The following DNAI4 variants were observed in gnomAD, a reference collection of about 807,000 sequenced individuals.
DNAI4 encodes dynein axonemal intermediate chain 4, also known as WD repeat domain 78.
A neutral mutation model predicts 105.8 loss-of-function variants in DNAI4; 85 were observed. The observed-to-expected ratio is 0.80, with a 90% CI of 0.67 to 0.96. The LOEUF (loss-of-function observed/expected upper bound fraction) is 0.96, where lower values mean the gene tolerates loss of function less well. Ranked by LOEUF, DNAI4 falls within the 40% of genes least tolerant of loss-of-function variation. DNAI4 has a pLI of 0.00. For synonymous variants in DNAI4, 352 were observed against 331.5 expected (o/e 1.06, Z -0.67); for missense variants, 1,014 against 1,005.6 (o/e 1.01, Z -0.11).
chr1:66,880,962 C>T lies in DNAI4; in HGVS notation c.644-6025G>A, dbSNP rs911592423. Reference sequence around the variant, plus strand: ...TGCCCTGCATCCCAGCCACTCCAGCCGTGACTAAAAGGGATGAAGGTACAG... The same window carrying T: ...TGCCCTGCATCCCAGCCACTCCAGCTGTGACTAAAAGGGATGAAGGTACAG... On this transcript the variant is annotated intron_variant, in intron 4 of 16. Coordinates refer to ENST00000371026, the MANE Select transcript of DNAI4 (RefSeq NM_024763.5). Among the ~76,000 whole-genome samples, 35 of 152,214 alleles carry T rather than the reference C, an allele frequency of 2.3e-4. 2 individuals carry two copies. Among genetic ancestry groups the T allele is most frequent in the Admixed American group, 4.6e-4 (7 of 15,290 alleles).
At position 66,831,916 on chromosome 1, in the gene DNAI4, G is replaced by A. The variant is rs1443578321; in HGVS notation, c.2013+1669C>T. Among the ~76,000 whole-genome samples, 5 of 152,306 alleles carry A rather than the reference G, an allele frequency of 3.3e-5. No homozygotes were observed. The East Asian group carries it at 9.6e-4, about 29-fold the overall frequency. Reference sequence around the variant, plus strand: ...CACTAGACTAGGTTGTCTCAACCAAGCATTATTGACATTTTGGGCCAGATA... The same window carrying A: ...CACTAGACTAGGTTGTCTCAACCAAACATTATTGACATTTTGGGCCAGATA... On this transcript the variant is annotated intron_variant, in intron 13 of 16. Coordinates refer to ENST00000371026, the MANE Select transcript of DNAI4 (RefSeq NM_024763.5).
chr1:66,828,256 T>C (rs77479749), intron 13 of DNAI4: 3,206 of 156,092 alleles, frequency 0.021, 101 homozygotes, highest in African/African-American at 0.073. Flanking sequence ...TCCAGGGAAA[T>C]AGTAAGTGCT....
rs1027696104 is a variant in DNAI4, at chr1:66,822,352, G to C, written c.2496+9C>G. 3.8e-6 allele frequency: 6 copies of C among 1,586,162 alleles called. No individual in the cohort carries two copies. Among genetic ancestry groups the C allele is most frequent in the Non-Finnish European group, 5.1e-6 (6 of 1,169,532 alleles). Reference sequence around the variant, plus strand: ...AAATGACACAAATTTTTTTACTCTTGAGTCTTACCCGGCCAGTTTCCAAAA... The same window carrying C: ...AAATGACACAAATTTTTTTACTCTTCAGTCTTACCCGGCCAGTTTCCAAAA... On this transcript the variant is annotated intron_variant, in intron 16 of 16. Coordinates refer to ENST00000371026, the MANE Select transcript of DNAI4 (RefSeq NM_024763.5).
intron 4 of DNAI4, among the ~76,000 whole-genome samples, chr1:66,884,146 C>T (rs1486811349): frequency 6.6e-6 from 1 of 152,168 alleles, no homozygotes; most frequent in Non-Finnish European, 1.5e-5. Context: ...TCCATGTTGT[C>T]ACAAATGACA....
At chr1:66,859,759 A>G (rs920686864) in intron 7 of DNAI4, among the ~76,000 whole-genome samples, 5 of 152,170 alleles carry the variant, frequency 3.3e-5, no homozygotes, top group African/African-American at 7.2e-5. Flanking sequence ...ACGAAACTAT[A>G]AAGACAATAA....
At chr1:66,847,275 T>G (rs764407284) in intron 8 of DNAI4, among the ~76,000 whole-genome samples, 3 of 152,098 alleles carry the variant, frequency 2.0e-5, no homozygotes, top group Non-Finnish European at 2.9e-5. Context: ...ATTATTTGAG[T>G]TTGTCTAAAC....
chr1:66,820,299 A>C (rs1645598823), intron 16 of DNAI4, among the ~76,000 whole-genome samples: 1 of 152,148 alleles, frequency 6.6e-6, no homozygotes, highest in Non-Finnish European at 1.5e-5. Flanking sequence ...AGAAAAACTA[A>C]AATTTATCCA....
intron 7 of DNAI4, 93 bp from the exon 8 acceptor site, chr1:66,847,771 T>C (rs772739222): frequency 4.4e-5 from 46 of 1,056,992 alleles, no homozygotes; most frequent in Non-Finnish European, 5.5e-5. Context: ...ATCATTTGTA[T>C]TTATTTTCCT....
At chr1:66,857,214 T>C (rs1430549045) in intron 7 of DNAI4, among the ~76,000 whole-genome samples, 1 of 151,540 alleles carries the variant, frequency 6.6e-6, no homozygotes, top group African/African-American at 2.4e-5. Context: ...GAAACCATCA[T>C]TCACAGCAAA....
intron 13 of DNAI4, among the ~76,000 whole-genome samples, chr1:66,829,914 C>T (rs1197020387): frequency 6.6e-6 from 1 of 152,080 alleles, no homozygotes; most frequent in Non-Finnish European, 1.5e-5. Flanking sequence ...ACAGAAAGAA[C>T]TTTGGAAAAT....
intron 9 of DNAI4, among the ~76,000 whole-genome samples, chr1:66,840,160 T>C (rs1458813312): frequency 6.6e-6 from 1 of 152,236 alleles, no homozygotes; most frequent in South Asian, 2.1e-4. Context: ...ACCAATCGTA[T>C]AGTTTACTTA....
At chr1:66,886,022 T>C (rs1327400616) in intron 4 of DNAI4, among the ~76,000 whole-genome samples, 3 of 152,232 alleles carry the variant, frequency 2.0e-5, no homozygotes, top group Non-Finnish European at 2.9e-5. Flanking sequence ...AGTTCTTGGA[T>C]GGCTGTTCTA....
chr1:66,924,290 C>A (rs1039317266), intron 1 of DNAI4, among the ~76,000 whole-genome samples: 4 of 152,232 alleles, frequency 2.6e-5, no homozygotes, highest in Admixed American at 2.0e-4. Context: ...CCTGCCTCAG[C>A]CTCCCAAGTA....
At position 66,919,025 on chromosome 1, in the gene DNAI4, C is replaced by T. The variant is rs183784625; in HGVS notation, c.170+5637G>A. On this transcript the variant is annotated intron_variant, in intron 1 of 16. Transcript: ENST00000371026. The stretch of plus-strand genomic sequence containing the variant: ...CATTTGTCTCTCACCTACCTGTGAC[C>T]TGGAAGCCCCCTCCCTGCTTCAAGT... 485 of 405,410 alleles carry T rather than the reference C, an allele frequency of 1.2e-3. 2 individuals are homozygous for T. The highest frequency in any genetic ancestry group is 0.01 in the Middle Eastern group (24 of 2,392). The allele number at this position is 405,410 out of a possible 1,614,324, so 25.1% of individuals were successfully genotyped here.
chr1:66,814,304 G>A (rs1645467927), intron 16 of DNAI4, 124 bp from the exon 17 acceptor site: 1 of 676,004 alleles, frequency 1.5e-6, no homozygotes, highest in African/African-American at 1.8e-5. Flanking sequence ...ATTGTAAAAG[G>A]GAAACAAGCA....
At chr1:66,897,091 G>A (rs988929753) in intron 2 of DNAI4, among the ~76,000 whole-genome samples, 3 of 152,134 alleles carry the variant, frequency 2.0e-5, no homozygotes, top group Admixed American at 1.3e-4. Context: ...GTTGTGAACA[G>A]AATACTGGTA....
chr1:66,858,895 T>C (rs1230134937), intron 7 of DNAI4, among the ~76,000 whole-genome samples: 2 of 152,102 alleles, frequency 1.3e-5, no homozygotes, highest in Non-Finnish European at 2.9e-5. Context: ...AGATCAGTAA[T>C]AAGGTTAGGA....
intron 7 of DNAI4, among the ~76,000 whole-genome samples, chr1:66,860,465 A>C (rs1456540473): frequency 6.6e-6 from 1 of 152,066 alleles, no homozygotes; most frequent in East Asian, 1.9e-4. Flanking sequence ...TTACATTTTC[A>C]ATAAATCTGA....
Position 66,837,756 on chromosome 1 carries a change from T to C in DNAI4, c.1535A>G (p.Glu512Gly), listed in dbSNP as rs781341791. The change falls in exon 10 of 17, where the codon GAG becomes GGG. Residue 512 changes from glutamate to glycine, a missense_variant. Coordinates refer to ENST00000371026, the MANE Select transcript of DNAI4 (RefSeq NM_024763.5). ...AVGYGHFGFK[E>G]QKRGLACCWS... is the part of the protein sequence containing the mutation. ...GCAGCAAGCCAGTCCTCTTTTTTGCTCTTTAAATCCAAAGTGCCCATAGCC... is the reference window on the plus strand; with the variant it reads ...GCAGCAAGCCAGTCCTCTTTTTTGCCCTTTAAATCCAAAGTGCCCATAGCC... The C allele has an allele frequency of 1.2e-5, 20 of 1,609,620 alleles. No homozygotes were observed. In the South Asian group the frequency reaches 2.1e-4, roughly 17 times the overall value.
Sources: allele counts gnomAD v4.1 joint callset (sites outside exome capture counted in the v4.1 genomes callset), GRCh38; gene constraint gnomAD v4.1.1; transcripts MANE v1.5; gene names NCBI Gene and HGNC (gene_info 2026-07-23, HGNC 2026-07-21).